The following ROBO2 variants were observed in gnomAD, a reference collection of about 807,000 sequenced individuals.
ROBO2 encodes roundabout guidance receptor 2.
ROBO2 carries 53 observed loss-of-function variants against 160.8 expected under a neutral mutation model. The observed-to-expected ratio is 0.33, with a 90% CI of 0.26 to 0.41. The LOEUF (loss-of-function observed/expected upper bound fraction) is 0.41, where lower values mean the gene tolerates loss of function less well. ROBO2 is among the 10% of genes least tolerant of loss of function. ROBO2 has a pLI of 1.00. For missense variants in ROBO2, 1,577 were observed against 1,722.4 expected (o/e 0.92, Z 1.49); for synonymous variants, 664 against 611.7 (o/e 1.09, Z -1.26).
chr3:75,914,120 T>C (rs1374712336), intron 1 of ROBO2, among the ~76,000 whole-genome samples: 1 of 152,226 alleles, frequency 6.6e-6, no homozygotes, highest in African/African-American at 2.4e-5. Context: ...CCTTCATTTT[T>C]CTTAAAATTA....
intron 2 of ROBO2, among the ~76,000 whole-genome samples, chr3:76,519,414 A>C (rs2081490078): frequency 6.6e-6 from 1 of 152,168 alleles, no homozygotes; most frequent in African/African-American, 2.4e-5. Flanking sequence ...AGGTATAAAA[A>C]ATGTACTGAT....
intron 2 of ROBO2, among the ~76,000 whole-genome samples, chr3:77,323,066 T>C (rs1276484001): frequency 4.8e-5 from 7 of 145,612 alleles, no homozygotes; most frequent in Non-Finnish European, 1.0e-4. Flanking sequence ...TATTATATTA[T>C]ATTATGGATA....
intron 2 of ROBO2, among the ~76,000 whole-genome samples, chr3:76,575,911 CA>C (rs1190192664): frequency 6.7e-5 from 10 of 149,532 alleles, no homozygotes; most frequent in African/African-American, 2.4e-4. Context: ...AATATGCTAT[CA>C]TTTTTTTTAG....
chr3:76,329,858 T>A lies in ROBO2; in HGVS notation c.109+392256T>A, dbSNP rs367567998. On this transcript the variant is annotated intron_variant, in intron 2 of 26. Coordinates refer to the ROBO2 transcript ENST00000487694. ...TTCAAAGGCCCTTTTATTTGCTTTT[T>A]CCGGGAGCAGTGATGCATTTCTTAA... 2.6e-5 allele frequency among the ~76,000 whole-genome samples: 4 copies of A among 152,184 alleles called. No individual in the cohort carries two copies. The East Asian group carries it at 7.7e-4, about 29-fold the overall frequency.
chr3:76,430,569 T>C (rs1410069425), intron 2 of ROBO2, among the ~76,000 whole-genome samples: 1 of 152,150 alleles, frequency 6.6e-6, no homozygotes, highest in Non-Finnish European at 1.5e-5. Context: ...TCACTAGAAT[T>C]ATTAAGGACA....
chr3:76,560,278 A>T (rs1203553975), intron 2 of ROBO2, among the ~76,000 whole-genome samples: 1 of 152,128 alleles, frequency 6.6e-6, no homozygotes, highest in East Asian at 1.9e-4. Flanking sequence ...TCATAAGAAT[A>T]TTCCTTATAT....
intron 2 of ROBO2, among the ~76,000 whole-genome samples, chr3:76,979,246 A>G (rs2059968187): frequency 6.6e-6 from 1 of 151,974 alleles, no homozygotes; most frequent in African/African-American, 2.4e-5. Flanking sequence ...ATTTGGCCCA[A>G]GTGTAGTTTT....
chr3:76,934,315 C>G (rs1577609291), intron 2 of ROBO2, among the ~76,000 whole-genome samples: 1 of 152,114 alleles, frequency 6.6e-6, no homozygotes, highest in East Asian at 1.9e-4. Context: ...ATGATTCTCC[C>G]TTACTGTTTA....
chr3:76,103,432 A>G (rs1186866027), intron 2 of ROBO2, among the ~76,000 whole-genome samples: 2 of 152,216 alleles, frequency 1.3e-5, no homozygotes, highest in Non-Finnish European at 2.9e-5. Flanking sequence ...GAGGTGTTAC[A>G]TGTAGTTGGA....
intron 2 of ROBO2, among the ~76,000 whole-genome samples, chr3:77,008,682 A>G (rs774490684): frequency 6.6e-6 from 1 of 152,156 alleles, no homozygotes; most frequent in Non-Finnish European, 1.5e-5. Context: ...AACGCACCTG[A>G]AAGATCGGGG....
chr3:76,847,112 C>A (rs1188356835), intron 2 of ROBO2, among the ~76,000 whole-genome samples: 2 of 152,098 alleles, frequency 1.3e-5, no homozygotes, highest in Non-Finnish European at 2.9e-5. Flanking sequence ...TTTTATTTTT[C>A]TTTCTTTTCT....
chr3:76,025,321 A>G (rs1275172397), intron 2 of ROBO2, among the ~76,000 whole-genome samples: 1 of 151,692 alleles, frequency 6.6e-6, no homozygotes, highest in African/African-American at 2.4e-5. Context: ...TAGCTATGGG[A>G]ACTTCCTCAC....
At chr3:76,852,074 A>G (rs533391853) in intron 2 of ROBO2, among the ~76,000 whole-genome samples, 1 of 152,302 alleles carries the variant, frequency 6.6e-6, no homozygotes, top group South Asian at 2.1e-4. Flanking sequence ...CTCCAGCTAT[A>G]CAATCAAATG....
At chr3:76,570,683 A>G (rs1167775706) in intron 2 of ROBO2, among the ~76,000 whole-genome samples, 1 of 152,152 alleles carries the variant, frequency 6.6e-6, no homozygotes, top group South Asian at 2.1e-4. Context: ...ATTGAAATTT[A>G]AGGAAGGTAA....
intron 2 of ROBO2, among the ~76,000 whole-genome samples, chr3:75,983,077 G>A (rs2065321528): frequency 6.6e-6 from 1 of 151,388 alleles, no homozygotes; most frequent in Non-Finnish European, 1.5e-5. Flanking sequence ...TCAGGAAAAG[G>A]TTGCCCTAGA....
chr3:77,461,872 C>T (rs951156867), intron 2 of ROBO2, among the ~76,000 whole-genome samples: 2 of 151,820 alleles, frequency 1.3e-5, no homozygotes, highest in African/African-American at 2.4e-5. Flanking sequence ...ATTACAGGCC[C>T]GTGCCACCAC....
intron 2 of ROBO2, among the ~76,000 whole-genome samples, chr3:77,438,502 A>T (rs2079557275): frequency 6.6e-6 from 1 of 151,594 alleles, no homozygotes; most frequent in African/African-American, 2.4e-5. Context: ...GTGAAAAGTG[A>T]GTATCTGAAA....
exon 2 of ROBO2, chr3:77,098,322 G>A (rs752706494): frequency 6.2e-7 from 1 of 1,614,232 alleles, no homozygotes; most frequent in Non-Finnish European, 8.5e-7. Context: ...GAGTCGAAAT[G>A]CGTCTCTGGA....
chr3:76,969,722 T>C (rs1168714588), intron 2 of ROBO2, among the ~76,000 whole-genome samples: 1 of 152,124 alleles, frequency 6.6e-6, no homozygotes, highest in Non-Finnish European at 1.5e-5. Flanking sequence ...CAAGCTTTAT[T>C]ATAAATTATT....
Sources: allele counts gnomAD v4.1 joint callset (sites outside exome capture counted in the v4.1 genomes callset), GRCh38; gene constraint gnomAD v4.1.1; transcripts MANE v1.5; gene names NCBI Gene and HGNC (gene_info 2026-07-23, HGNC 2026-07-21).